Variants in PDE7B observed in about 807,000 individuals in gnomAD.
PDE7B encodes the protein 3',5'-cyclic-AMP phosphodiesterase 7B.
A neutral mutation model predicts 56.2 loss-of-function variants in PDE7B; 29 were observed. The ratio of observed to expected loss-of-function variants is 0.52; its 90% CI spans 0.38 to 0.70. The LOEUF (loss-of-function observed/expected upper bound fraction) is 0.70, where lower values mean the gene tolerates loss of function less well. Among genes scored for constraint, PDE7B ranks in the 30% least tolerant of loss-of-function variants. The probability of loss-of-function intolerance (pLI) is 0.00; values close to 1 mark genes in which losing one functional copy is unlikely to be tolerated. For missense variants in PDE7B, 490 were observed against 565.0 expected (o/e 0.87, Z 1.35); for synonymous variants, 197 against 196.9 (o/e 1.00, Z 0.00).
At chr6:136,123,349 A>G (rs900988209) in intron 3 of PDE7B, among the ~76,000 whole-genome samples, 2 of 152,218 alleles carry the variant, frequency 1.3e-5, no homozygotes, top group Non-Finnish European at 2.9e-5. Context: ...TATTTTCTCT[A>G]TCACAATTAT....
chr6:135,890,971 A>G (rs1775800715), intron 1 of PDE7B, among the ~76,000 whole-genome samples: 1 of 152,194 alleles, frequency 6.6e-6, no homozygotes, highest in Non-Finnish European at 1.5e-5. Flanking sequence ...TGCATCCATA[A>G]GCCATGTGCC....
In PDE7B at chr6:136,169,382, C is replaced by A. The variant is rs113542618; in HGVS notation, c.712-4415C>A. On this transcript the variant is annotated intron_variant, in intron 8 of 12. Coordinates refer to ENST00000308191, the MANE Select transcript of PDE7B (RefSeq NM_018945.4). ...CTTTTAATCTGTACCAGCTTCCAAG[C>A]TAACCCAATTTTCTAGCATTTCCCT... is the stretch of plus-strand genomic sequence containing the variant. Among the ~76,000 whole-genome samples the A allele has an allele frequency of 6.3e-3, 956 of 152,254 alleles. 10 individuals are homozygous for A. The highest frequency in any genetic ancestry group is 0.021 in the African/African-American group (893 of 41,546).
intron 1 of PDE7B, among the ~76,000 whole-genome samples, chr6:135,866,291 C>T (rs907791455): frequency 2.1e-4 from 32 of 152,000 alleles, no homozygotes; most frequent in African/African-American, 6.0e-4. Context: ...CCCTTTTGTA[C>T]AATTAAGAAA....
chr6:136,061,958 C>A (rs1438736451), intron 2 of PDE7B, among the ~76,000 whole-genome samples: 1 of 152,208 alleles, frequency 6.6e-6, no homozygotes. Context: ...ATTAGCATTA[C>A]TGTGCCAGTC....
At chr6:135,991,439 T>TA (rs2128205228) in intron 2 of PDE7B, among the ~76,000 whole-genome samples, 1 of 152,156 alleles carries the variant, frequency 6.6e-6, no homozygotes, top group East Asian at 1.9e-4. Flanking sequence ...AATAAAATTT[T>TA]TAAAAAAAGA....
At chr6:136,115,204 CTG>C (rs1390144739) in intron 3 of PDE7B, among the ~76,000 whole-genome samples, 1 of 152,068 alleles carries the variant, frequency 6.6e-6, no homozygotes, top group Admixed American at 6.6e-5. Context: ...TAATACATGC[CTG>C]TATAATAACA....
intron 2 of PDE7B, among the ~76,000 whole-genome samples, chr6:136,055,287 G>GTAC (rs1248119007): frequency 1.3e-5 from 2 of 152,210 alleles, no homozygotes; most frequent in African/African-American, 2.4e-5. Flanking sequence ...GGGAGATGAT[G>GTAC]TACTCTAACT....
At chr6:135,932,063 C>T (rs1479181357) in intron 1 of PDE7B, among the ~76,000 whole-genome samples, 2 of 151,892 alleles carry the variant, frequency 1.3e-5, no homozygotes, top group Middle Eastern at 3.4e-3. Context: ...CCCTAAGGAC[C>T]TCGTGGCTTA....
At chr6:135,981,559 C>T (rs1775296667) in intron 2 of PDE7B, among the ~76,000 whole-genome samples, 1 of 149,104 alleles carries the variant, frequency 6.7e-6, no homozygotes, top group South Asian at 2.1e-4. Context: ...AACCGAGACA[C>T]AAATGCACAC....
chr6:135,987,169 T>C (rs2128204791), intron 2 of PDE7B, among the ~76,000 whole-genome samples: 1 of 152,366 alleles, frequency 6.6e-6, no homozygotes, highest in African/African-American at 2.4e-5. Flanking sequence ...CTGCAGTAGA[T>C]GACACGCCTT....
At chr6:135,991,114 C>T (rs1438743111) in intron 2 of PDE7B, among the ~76,000 whole-genome samples, 1 of 152,186 alleles carries the variant, frequency 6.6e-6, no homozygotes. Context: ...CCAGAGGTCA[C>T]TCTTACCGCC....
intron 1 of PDE7B, among the ~76,000 whole-genome samples, chr6:135,886,990 T>C (rs1775720712): frequency 6.6e-6 from 1 of 152,166 alleles, no homozygotes; most frequent in Non-Finnish European, 1.5e-5. Context: ...ACCAGCAGTA[T>C]AAAAGTGTTC....
chr6:136,119,457 A>G (rs540708566), intron 3 of PDE7B, among the ~76,000 whole-genome samples: 19 of 152,332 alleles, frequency 1.2e-4, no homozygotes, highest in Admixed American at 2.6e-4. Flanking sequence ...GAATATCAAG[A>G]TGCAGAAAAT....
chr6:136,125,863 C>G (rs922983634), intron 3 of PDE7B, among the ~76,000 whole-genome samples: 1 of 152,052 alleles, frequency 6.6e-6, no homozygotes, highest in African/African-American at 2.4e-5. Context: ...AGACTTCTAA[C>G]CCTCTCAGAC....
At chr6:135,944,571 A>C (rs1219983649) in intron 1 of PDE7B, among the ~76,000 whole-genome samples, 1 of 152,138 alleles carries the variant, frequency 6.6e-6, no homozygotes, top group Non-Finnish European at 1.5e-5. Context: ...GGACCACCTC[A>C]TTGTCATTGG....
At chr6:135,976,982 G>T (rs1775196950) in intron 2 of PDE7B, among the ~76,000 whole-genome samples, 1 of 152,146 alleles carries the variant, frequency 6.6e-6, no homozygotes, top group Non-Finnish European at 1.5e-5. Flanking sequence ...TGGGGAAATA[G>T]AAATCCATCC....
chr6:135,872,950 T>C (rs537823462), intron 1 of PDE7B, among the ~76,000 whole-genome samples: 2 of 152,284 alleles, frequency 1.3e-5, no homozygotes, highest in African/African-American at 4.8e-5. Flanking sequence ...TGTTCTGTTT[T>C]TGAAAACTTC....
intron 2 of PDE7B, among the ~76,000 whole-genome samples, chr6:135,959,252 C>A (rs907863475): frequency 6.6e-6 from 1 of 152,052 alleles, no homozygotes; most frequent in Admixed American, 6.6e-5. Context: ...TGGTGAATAG[C>A]ACCATCCTCA....
At chr6:135,961,881 CAGA>C (rs761039498) in intron 2 of PDE7B, among the ~76,000 whole-genome samples, 8 of 152,058 alleles carry the variant, frequency 5.3e-5, no homozygotes, top group Non-Finnish European at 1.0e-4. Context: ...AGGAGGAACA[CAGA>C]AGATGTGTAT....
Sources: allele counts gnomAD v4.1 joint callset (sites outside exome capture counted in the v4.1 genomes callset), GRCh38; gene constraint gnomAD v4.1.1; transcripts MANE v1.5; gene names NCBI Gene and HGNC (gene_info 2026-07-23, HGNC 2026-07-21).